Variants in PRTG observed in about 807,000 individuals in gnomAD.
The protein encoded by PRTG is immunoglobulin superfamily, DCC subclass, member 5.
In PRTG, 67 loss-of-function variants were observed where a neutral mutation model predicts 122.5. The observed-to-expected ratio is 0.55, with a 90% CI of 0.45 to 0.67. The LOEUF (loss-of-function observed/expected upper bound fraction) is 0.67. PRTG is among the 30% of genes least tolerant of loss of function. PRTG has a pLI of 0.00. For synonymous variants in PRTG, 554 were observed against 501.1 expected (o/e 1.11, Z -1.41); for missense variants, 1,435 against 1,415.4 (o/e 1.01, Z -0.22).
At chr15:55,691,032 G>A (rs1000472916) in intron 2 of PRTG, among the ~76,000 whole-genome samples, 3 of 152,092 alleles carry the variant, frequency 2.0e-5, no homozygotes, top group East Asian at 3.9e-4. Flanking sequence ...TCTAGGCCAG[G>A]CGCAGTGGCT....
At position 55,624,327 on chromosome 15, in the gene PRTG, C is replaced by A. The variant is rs772237678; in HGVS notation, c.3093+15G>T. 6.2e-6 allele frequency: 10 copies of A among 1,609,760 alleles called. No individual in the cohort carries two copies. The highest frequency in any genetic ancestry group is 7.6e-6 in the Non-Finnish European group (9 of 1,177,850). ...TGGAAGAACGGCTTATGCAGCAAATCCCGCAGCTCAGTACCTTTGCATCAA... is the reference window on the plus strand; with the variant it reads ...TGGAAGAACGGCTTATGCAGCAAATACCGCAGCTCAGTACCTTTGCATCAA... On this transcript the variant is annotated intron_variant, in intron 18 of 19. Transcript: ENST00000389286.
chr15:55,732,493 C>CTTTTTT (rs35478271), intron 2 of PRTG, among the ~76,000 whole-genome samples: 1 of 130,324 alleles, frequency 7.7e-6, no homozygotes, highest in African/African-American at 2.9e-5. Flanking sequence ...CCAGGGTAAA[C>CTTTTTT]TTTTTTTTTT....
chr15:55,695,130 A>T (rs1350726314), intron 2 of PRTG, among the ~76,000 whole-genome samples: 1 of 152,226 alleles, frequency 6.6e-6, no homozygotes, highest in Admixed American at 6.5e-5. Flanking sequence ...TAGTCAGAAA[A>T]AAAAACATTA....
rs1403470882 is a variant in PRTG at position 55,613,394 on chromosome 15, A to G, written c.*6618T>C. ...TGGGAGCTACAGAAAATTACAAAAG[A>G]TAAAATGCAATTCTGAAGACATTGT... On this transcript the variant is annotated 3_prime_UTR_variant, in exon 20 of 20. Transcript: ENST00000389286. 6.6e-6 allele frequency: 1 copy of G among 152,160 alleles called. No individual in the cohort carries two copies. The highest frequency in any genetic ancestry group is 1.9e-4 in the East Asian group (1 of 5,200). The allele number at this position is 152,160 out of a possible 1,614,324, so 9.4% of individuals were successfully genotyped here.
At chr15:55,685,640 T>A (rs2059566259) in intron 2 of PRTG, among the ~76,000 whole-genome samples, 1 of 152,170 alleles carries the variant, frequency 6.6e-6, no homozygotes. Context: ...CTGGCTAATT[T>A]TTTCCTCTGG....
chr15:55,625,353 G>A (rs532642563), intron 17 of PRTG, among the ~76,000 whole-genome samples: 4 of 152,228 alleles, frequency 2.6e-5, no homozygotes, highest in African/African-American at 9.6e-5. Flanking sequence ...GTCCCGTGGT[G>A]TTCTCAGCGA....
Position 55,718,591 on chromosome 15 carries a change from C to A in PRTG, c.397+21791G>T, listed in dbSNP as rs191875390. On this transcript the variant is annotated intron_variant, in intron 2 of 19. Transcript: ENST00000389286. ...TTCAGACTCAGCCCGCCTGCACCCA[C>A]GTGAAATAAACAGCCTTGTTGCTCA... is the stretch of plus-strand genomic sequence containing the variant. 2.0e-5 allele frequency among the ~76,000 whole-genome samples: 3 copies of A among 150,648 alleles called. No individual in the cohort carries two copies. The East Asian group carries it at 5.8e-4, about 29-fold the overall frequency.
Position 55,707,234 on chromosome 15 carries a change from C to T in PRTG, c.398-23303G>A, listed in dbSNP as rs536590313. On this transcript the variant is annotated intron_variant, in intron 2 of 19. Transcript: ENST00000389286. The stretch of plus-strand genomic sequence containing the variant: ...TTACAGAAGTACTTCCCTGCCTATA[C>T]AAAGGCTCCTAAGGTTAAGAACATT... 3.3e-5 allele frequency among the ~76,000 whole-genome samples: 5 copies of T among 152,280 alleles called. No homozygotes were observed. The East Asian group carries it at 9.6e-4, about 29-fold the overall frequency.
intron 2 of PRTG, among the ~76,000 whole-genome samples, chr15:55,730,297 T>C (rs2031185627): frequency 6.6e-6 from 1 of 152,048 alleles, no homozygotes; most frequent in Non-Finnish European, 1.5e-5. Flanking sequence ...AGACAGGGTT[T>C]CACCACGTTT....
At chr15:55,688,015 T>C (rs906540437) in intron 2 of PRTG, among the ~76,000 whole-genome samples, 1 of 152,212 alleles carries the variant, frequency 6.6e-6, no homozygotes, top group Non-Finnish European at 1.5e-5. Flanking sequence ...TCCCAGCTCC[T>C]TTCCCTCCAC....
Position 55,612,737 on chromosome 15 carries a change from T to TATATATATATATATATACATATAC in PRTG, c.*7274_*7275insGTATATGTATATATATATATATAT, listed in dbSNP as rs1567067860. 3.7e-5 allele frequency: 2 copies of TATATATATATATATATACATATAC among 54,314 alleles called. No individual in the cohort carries two copies. Among genetic ancestry groups the TATATATATATATATATACATATAC allele is most frequent in the Admixed American group, 2.3e-4 (1 of 4,262 alleles). 3.4% of individuals were successfully genotyped at this position (54,314 alleles called of 1,614,324 possible). Reference sequence around the variant, plus strand: ...ATATATATATATATATATATATATATATATATATATATGACTTAAATTGGA... The same window carrying TATATATATATATATATACATATAC: ...ATATATATATATATATATATATATATATATATATATATATATACATATACATATATATATATGACTTAAATTGGA... On this transcript the variant is annotated 3_prime_UTR_variant, in exon 20 of 20. Transcript: ENST00000389286.
intron 2 of PRTG, among the ~76,000 whole-genome samples, chr15:55,728,633 C>T (rs1406182675): frequency 2.0e-5 from 3 of 152,092 alleles, no homozygotes; most frequent in Non-Finnish European, 4.4e-5. Context: ...TTTAAAAAGC[C>T]TCACAATATC....
chr15:55,675,720 T>C (rs375912704), intron 8 of PRTG, 37 bp from the exon 9 acceptor site: 12 of 1,353,752 alleles, frequency 8.9e-6, no homozygotes, highest in African/African-American at 4.3e-5. Context: ...ATGACAGATA[T>C]TCAAAATAAA....
chr15:55,722,278 C>T (rs1171536259), intron 2 of PRTG, among the ~76,000 whole-genome samples: 2 of 152,152 alleles, frequency 1.3e-5, no homozygotes, highest in Non-Finnish European at 2.9e-5. Context: ...TGTTGCACAA[C>T]TATACTGTTT....
At chr15:55,641,242 A>G (rs2059288805) in intron 11 of PRTG, 34 bp from the exon 12 acceptor site, 1 of 1,481,064 alleles carries the variant, frequency 6.8e-7, no homozygotes, top group Non-Finnish European at 9.4e-7. Flanking sequence ...AATTAGGACC[A>G]GGTCTCTAGA....
At chr15:55,636,157 T>G (rs1595608690) in intron 15 of PRTG, among the ~76,000 whole-genome samples, 2 of 152,062 alleles carry the variant, frequency 1.3e-5, no homozygotes, top group East Asian at 3.9e-4. Flanking sequence ...GATAAAAGTA[T>G]GCAGTAAGAA....
chr15:55,629,280 T>C (rs1398302518), intron 15 of PRTG, among the ~76,000 whole-genome samples: 3 of 152,132 alleles, frequency 2.0e-5, no homozygotes, highest in Non-Finnish European at 4.4e-5. Flanking sequence ...TTGTAGTATG[T>C]ACATTTCCCC....
chr15:55,679,265 T>C, intron 7 of PRTG, 21 bp downstream of exon 7: 2 of 1,560,520 alleles, frequency 1.3e-6, no homozygotes, highest in Non-Finnish European at 1.8e-6. Flanking sequence ...TATAAAATGG[T>C]AGCAAAGTTA....
chr15:55,683,330 A>T (rs930709598), intron 3 of PRTG, among the ~76,000 whole-genome samples: 1 of 151,910 alleles, frequency 6.6e-6, no homozygotes, highest in South Asian at 2.1e-4. Context: ...TTCAATCCCA[A>T]CCGCCCGCAG....
Sources: allele counts gnomAD v4.1 joint callset (sites outside exome capture counted in the v4.1 genomes callset), GRCh38; gene constraint gnomAD v4.1.1; transcripts MANE v1.5; gene names NCBI Gene and HGNC (gene_info 2026-07-23, HGNC 2026-07-21).